MICAL2: variants seen among roughly 807,000 people sequenced by gnomAD.
The protein encoded by MICAL2 is [F-actin]-monooxygenase MICAL2.
Under a neutral mutation model 127.3 loss-of-function variants are expected in MICAL2, and 77 were observed. The observed-to-expected ratio is 0.60, with a 90% CI of 0.50 to 0.73. MICAL2 has a LOEUF of 0.73. MICAL2 is among the 30% of genes least tolerant of loss of function. MICAL2 has a pLI of 0.00. For missense variants in MICAL2, 1,351 were observed against 1,434.4 expected (o/e 0.94, Z 0.94); for synonymous variants, 570 against 551.1 (o/e 1.03, Z -0.48).
intron 29 of MICAL2, among the ~76,000 whole-genome samples, chr11:12,302,545 A>G (rs910946778): frequency 6.6e-6 from 1 of 152,112 alleles, no homozygotes; most frequent in Non-Finnish European, 1.5e-5. Context: ...TCACATGCTT[A>G]TTTAGATATT....
chr11:12,289,566 G>GT (rs1316795523), downstream of MICAL2, among the ~76,000 whole-genome samples: 22 of 36,494 alleles, frequency 6.0e-4, no homozygotes, highest in Admixed American at 1.6e-3. Flanking sequence ...GTTTTTTTTT[G>GT]TTTTTTTTTT....
intron 26 of MICAL2, chr11:12,260,201 C>T (rs898753667): frequency 1.4e-6 from 2 of 1,473,800 alleles, no homozygotes; most frequent in Non-Finnish European, 1.8e-6. Flanking sequence ...AGTGCCTTCA[C>T]ATTTCCAGGG....
chr11:12,223,456 G>C lies in MICAL2; in HGVS notation c.1495G>C (p.Glu499Gln). The C allele has an allele frequency of 6.2e-7, 1 of 1,614,066 alleles. No homozygotes were observed. Among genetic ancestry groups the C allele is most frequent in the Non-Finnish European group, 8.5e-7 (1 of 1,180,002 alleles). ...TAAGGAGCTGGAGCACTACCCTCTC[G>C]AGAGACTGGGCTCGGTGAGGAGATC... ...ITKELEHYPL[E>Q]RLGSVRRSVN... is the part of the protein sequence containing the mutation. Residue 499 changes from glutamate to glutamine, a missense_variant, in exon 12 of 28, where the codon GAG becomes CAG. Glu to Gln is a conservative substitution (Grantham distance 29). Coordinates refer to ENST00000683283, the MANE Select transcript of MICAL2 (RefSeq NM_001282663.2).
At chr11:12,245,304 C>T (rs1252324115) in intron 21 of MICAL2, among the ~76,000 whole-genome samples, 1 of 152,196 alleles carries the variant, frequency 6.6e-6, no homozygotes, top group East Asian at 1.9e-4. Flanking sequence ...GCTGCACGTG[C>T]CGCTGCCAGA....
intron 27 of MICAL2, chr11:12,262,943 A>G (rs1290511280): frequency 1.2e-5 from 2 of 171,750 alleles, no homozygotes; most frequent in Non-Finnish European, 2.5e-5. Flanking sequence ...AAGCTCATAC[A>G]TACCAGCGCC....
chr11:12,277,147 G>T (rs1261978212), intron 1 of MICAL2, among the ~76,000 whole-genome samples: 1 of 152,072 alleles, frequency 6.6e-6, no homozygotes, highest in African/African-American at 2.4e-5. Flanking sequence ...CTGTGTGTTT[G>T]GGCCAGTAGG....
rs199719464 is a variant in MICAL2 at position 12,180,637 on chromosome 11, A to G, written c.264+18218A>G. 2.6e-3 allele frequency among the ~76,000 whole-genome samples: 398 copies of G among 152,230 alleles called. 1 individual carries two copies. The highest frequency in any genetic ancestry group is 4.8e-3 in the Non-Finnish European group (327 of 68,010). ...ATTTGCACAATAACTCTGTGGGGTA[A>G]TAAGGGCTGGGATTATTATCCCCAC... On this transcript the variant is annotated intron_variant, in intron 3 of 27. Transcript: ENST00000683283.
chr11:12,307,093 C>T (rs756930694), intron 29 of MICAL2, among the ~76,000 whole-genome samples: 1 of 152,192 alleles, frequency 6.6e-6, no homozygotes. Flanking sequence ...GGTTACTGTA[C>T]ATCCATGCTA....
At chr11:12,244,149 G>C in intron 21 of MICAL2, 37 bp downstream of exon 21, 8 of 1,612,792 alleles carry the variant, frequency 5.0e-6, no homozygotes, top group Non-Finnish European at 6.8e-6. Context: ...CCTATTCCCT[G>C]CATGTTCCCA....
At chr11:12,273,137 A>G (rs1863690297), upstream of MICAL2, among the ~76,000 whole-genome samples, 1 of 152,214 alleles carries the variant, frequency 6.6e-6, no homozygotes, top group African/African-American at 2.4e-5. Context: ...AGACACGCAG[A>G]CTGATCCCCG....
At chr11:12,165,150 AAAAAAG>A (rs1394149639) in intron 3 of MICAL2, among the ~76,000 whole-genome samples, 5 of 125,686 alleles carry the variant, frequency 4.0e-5, no homozygotes, top group South Asian at 2.6e-4. Context: ...AAAAAAAAAA[AAAAAAG>A]AAAAGAAAGA....
intron 7 of MICAL2, among the ~76,000 whole-genome samples, chr11:12,215,928 C>T (rs1300037514): frequency 2.0e-5 from 3 of 152,202 alleles, no homozygotes; most frequent in Admixed American, 2.0e-4. Context: ...CGGCACTTGG[C>T]TTTTCTGCAC....
At chr11:12,296,330 T>C (rs1440815809), downstream of MICAL2, among the ~76,000 whole-genome samples, 1 of 151,790 alleles carries the variant, frequency 6.6e-6, no homozygotes, top group Non-Finnish European at 1.5e-5. Context: ...ATATTATTTC[T>C]CTTCAGTAGT....
At chr11:12,245,063 G>T (rs1211782339) in intron 21 of MICAL2, among the ~76,000 whole-genome samples, 1 of 152,154 alleles carries the variant, frequency 6.6e-6, no homozygotes, top group Non-Finnish European at 1.5e-5. Flanking sequence ...TTTTTCACTT[G>T]TCCTCCTGTT....
downstream of MICAL2, among the ~76,000 whole-genome samples, chr11:12,360,119 T>TAAAAAAAA (rs369069433): frequency 5.5e-5 from 8 of 144,944 alleles, no homozygotes; most frequent in Middle Eastern, 3.5e-3. Context: ...TTTTTTTTTT[T>TAAAAAAAA]AAAAAAAAAA....
chr11:12,351,399 G>T (rs1195365163), intron 33 of MICAL2, among the ~76,000 whole-genome samples: 2 of 152,150 alleles, frequency 1.3e-5, no homozygotes, highest in Non-Finnish European at 2.9e-5. Flanking sequence ...GGGCAGGGGT[G>T]CTACTGATAT....
rs758248911 is a variant in MICAL2, at chr11:12,358,462, C to T, written c.5857C>T (p.Gln1953Ter). Residue 1953 changes from glutamine (Q) to a stop codon, truncating the protein, a stop_gained, in exon 35 of 35, where the codon CAG becomes TAG. Coordinates refer to the MICAL2 transcript ENST00000646065. LOFTEE classifies it high-confidence loss of function. ...AAGCTTCGTATTCTCCAGAGGCTGT[C>T]AGCTGAGCAGGACTTGAGGAGGCCC... is the stretch of plus-strand genomic sequence containing the variant. The T allele has an allele frequency of 1.9e-6, 3 of 1,614,014 alleles. No homozygotes were observed. Among genetic ancestry groups the T allele is most frequent in the South Asian group, 2.2e-5 (2 of 91,064 alleles).
downstream of MICAL2, among the ~76,000 whole-genome samples, chr11:12,288,504 C>T (rs1219979295): frequency 6.6e-6 from 1 of 152,186 alleles, no homozygotes; most frequent in African/African-American, 2.4e-5. Context: ...TGAGCAGCCC[C>T]ATGGTGTCTG....
At chr11:12,159,250 G>C (rs1291968928) in intron 2 of MICAL2, among the ~76,000 whole-genome samples, 1 of 152,202 alleles carries the variant, frequency 6.6e-6, no homozygotes, top group Non-Finnish European at 1.5e-5. Flanking sequence ...TGATTGGGGT[G>C]CGGAGGAGAC....
Sources: gnomAD v4.1 joint callset for allele counts (sites outside exome capture counted in the v4.1 genomes callset) on GRCh38, gnomAD v4.1.1 for gene constraint, MANE v1.5 for transcripts, NCBI Gene and HGNC (gene_info 2026-07-23, HGNC 2026-07-21) for gene names.